The following TMEM108 variants were observed in gnomAD, a reference collection of about 807,000 sequenced individuals.
The protein encoded by TMEM108 is transmembrane protein 108, also known as cancer/testis antigen 124.
A neutral mutation model predicts 35.1 loss-of-function variants in TMEM108; 12 were observed. That is an observed-to-expected ratio of 0.34 (90% confidence interval 0.22 to 0.55). The LOEUF is 0.55. Ranked by LOEUF, TMEM108 falls within the 20% of genes least tolerant of loss-of-function variation. The pLI, the probability that TMEM108 is intolerant of heterozygous loss-of-function variation, is 0.89. For missense variants in TMEM108, 680 were observed against 753.3 expected (o/e 0.90, Z 1.14); for synonymous variants, 287 against 308.6 (o/e 0.93, Z 0.73).
intron 2 of TMEM108, among the ~76,000 whole-genome samples, chr3:133,115,699 T>G (rs1689978114): frequency 1.3e-5 from 2 of 152,260 alleles, no homozygotes; most frequent in Non-Finnish European, 2.9e-5. Flanking sequence ...ATGTTTTTTC[T>G]TTCTTACAGA....
rs369833224 is a variant in TMEM108 at position 133,324,170 on chromosome 3, A to G, written c.41-55582A>G. Among the ~76,000 whole-genome samples the G allele has an allele frequency of 2.2e-4, 33 of 152,326 alleles. No individual in the cohort carries two copies. The South Asian group carries it at 6.0e-3, about 28-fold the overall frequency. ...GCAAATTGAACAAAAAGATAAATAG[A>G]TGAGACCTAATTAAACTAAAAACCT... On this transcript the variant is annotated intron_variant, in intron 3 of 5. Transcript: ENST00000321871.
intron 3 of TMEM108, chr3:133,246,421 A>T (rs1253118399): frequency 6.6e-6 from 1 of 151,970 alleles, no homozygotes; most frequent in Non-Finnish European, 1.5e-5. Context: ...AAGAGATAGG[A>T]GTTGGTGAAT....
At chr3:133,150,073 C>T (rs1944775883) in intron 2 of TMEM108, among the ~76,000 whole-genome samples, 1 of 152,124 alleles carries the variant, frequency 6.6e-6, no homozygotes, top group Admixed American at 6.6e-5. Flanking sequence ...TACTGTTTTC[C>T]ACAGTGGTTA....
intron 2 of TMEM108, among the ~76,000 whole-genome samples, chr3:133,146,106 C>G (rs1263213127): frequency 6.6e-6 from 1 of 152,184 alleles, no homozygotes; most frequent in Non-Finnish European, 1.5e-5. Flanking sequence ...GTGGGTTTGT[C>G]ATAAATAGCT....
chr3:133,395,310 A>C (rs2073289519), intron 5 of TMEM108, among the ~76,000 whole-genome samples: 1 of 152,172 alleles, frequency 6.6e-6, no homozygotes, highest in Non-Finnish European at 1.5e-5. Context: ...AAGGACTCAG[A>C]GCGGGAAGGA....
At chr3:133,240,560 G>A (rs1228698473) in intron 3 of TMEM108, among the ~76,000 whole-genome samples, 1 of 152,186 alleles carries the variant, frequency 6.6e-6, no homozygotes, top group Non-Finnish European at 1.5e-5. Context: ...GAGAGCTGTT[G>A]ATTTATGTAA....
In TMEM108 at chr3:133,068,151, C is replaced by A. The variant is rs138982275; in HGVS notation, c.-47+22131C>A. On this transcript the variant is annotated intron_variant, in intron 2 of 5. Coordinates refer to ENST00000321871, the MANE Select transcript of TMEM108 (RefSeq NM_023943.4). ...TATGTTAATGTTATCTCTTAAAGGT[C>A]CCACCTCCCAACACTGTTGCATTGG... Among the ~76,000 whole-genome samples the A allele has an allele frequency of 6.4e-3, 969 of 151,818 alleles. 5 individuals are homozygous for A. The highest frequency in any genetic ancestry group is 0.011 in the Admixed American group (169 of 15,234).
intron 2 of TMEM108, among the ~76,000 whole-genome samples, chr3:133,055,398 A>G (rs1434286319): frequency 6.6e-6 from 1 of 152,228 alleles, no homozygotes; most frequent in Non-Finnish European, 1.5e-5. Context: ...CTTGTTGAAG[A>G]TTCTTTAGCA....
At chr3:133,208,945 C>T (rs78805289) in intron 2 of TMEM108, among the ~76,000 whole-genome samples, 2,290 of 152,252 alleles carry the variant, frequency 0.015, 76 homozygotes, top group African/African-American at 0.051. Flanking sequence ...GGTACTTTTG[C>T]GTTCCAGACT....
chr3:133,366,362 A>C (rs1456983099), intron 3 of TMEM108, among the ~76,000 whole-genome samples: 1 of 152,198 alleles, frequency 6.6e-6, no homozygotes, highest in Non-Finnish European at 1.5e-5. Context: ...ACAAAGCCAC[A>C]CTCAGCCCTC....
At chr3:133,055,986 A>G (rs1200690497) in intron 2 of TMEM108, among the ~76,000 whole-genome samples, 1 of 152,168 alleles carries the variant, frequency 6.6e-6, no homozygotes, top group African/African-American at 2.4e-5. Context: ...AGAGAGCAAA[A>G]TCCCATATTA....
chr3:133,164,231 C>A (rs1350128934), intron 2 of TMEM108, among the ~76,000 whole-genome samples: 1 of 152,124 alleles, frequency 6.6e-6, no homozygotes, highest in Non-Finnish European at 1.5e-5. Context: ...CAGACAAGAC[C>A]AAGTGTCAAG....
intron 2 of TMEM108, among the ~76,000 whole-genome samples, chr3:133,142,553 C>A (rs1040004009): frequency 6.6e-6 from 1 of 152,158 alleles, no homozygotes; most frequent in South Asian, 2.1e-4. Context: ...TCCTGGAGCA[C>A]GGTTTCACAC....
At chr3:133,268,921 G>A (rs1946735148) in intron 3 of TMEM108, among the ~76,000 whole-genome samples, 1 of 152,226 alleles carries the variant, frequency 6.6e-6, no homozygotes, top group Admixed American at 6.5e-5. Context: ...TCTGGGATTA[G>A]ATGTGGGAGC....
chr3:133,248,571 G>A (rs1946419691), intron 3 of TMEM108: 1 of 152,182 alleles, frequency 6.6e-6, no homozygotes, highest in Non-Finnish European at 1.5e-5. Context: ...AGCTTTAGTA[G>A]TTGGTCTTTT....
intron 3 of TMEM108, among the ~76,000 whole-genome samples, chr3:133,365,171 A>C (rs963349935): frequency 2.0e-5 from 3 of 152,112 alleles, no homozygotes; most frequent in Non-Finnish European, 4.4e-5. Flanking sequence ...CGGAATGAGA[A>C]CCTCATTGTT....
intron 2 of TMEM108, among the ~76,000 whole-genome samples, chr3:133,100,971 A>G (rs1944079841): frequency 6.6e-6 from 1 of 152,152 alleles, no homozygotes; most frequent in South Asian, 2.1e-4. Context: ...TTGAAATTGT[A>G]TTTTTATACC....
In TMEM108 at chr3:133,334,420, C is replaced by T. The variant is rs16840239; in HGVS notation, c.41-45332C>T. Among the ~76,000 whole-genome samples the T allele has an allele frequency of 7.0e-4, 107 of 152,246 alleles. 3 individuals are homozygous for T. The East Asian group carries it at 0.019, about 28-fold the overall frequency. Reference sequence around the variant, plus strand: ...GATTGTCAGGAAAATCCGTGAGGTTCGAGCTGAGCTTTTAAAAAATTGAGT... The same window carrying T: ...GATTGTCAGGAAAATCCGTGAGGTTTGAGCTGAGCTTTTAAAAAATTGAGT... On this transcript the variant is annotated intron_variant, in intron 3 of 5. Coordinates refer to ENST00000321871, the MANE Select transcript of TMEM108 (RefSeq NM_023943.4).
At chr3:133,284,805 A>G (rs1017741123) in intron 3 of TMEM108, among the ~76,000 whole-genome samples, 3 of 152,146 alleles carry the variant, frequency 2.0e-5, no homozygotes, top group South Asian at 2.1e-4. Context: ...CTCCTTCTCA[A>G]CTAGTTTTTG....
Sources: allele counts gnomAD v4.1 joint callset (sites outside exome capture counted in the v4.1 genomes callset), GRCh38; gene constraint gnomAD v4.1.1; transcripts MANE v1.5; gene names NCBI Gene and HGNC (gene_info 2026-07-23, HGNC 2026-07-21).